The following BARX2 variants were observed in gnomAD, a reference collection of about 807,000 sequenced individuals.
BARX2 encodes the protein BARX homeobox 2, also known as homeobox protein BarH-like 2.
In BARX2, 11 loss-of-function variants were observed where a neutral mutation model predicts 25.5. The observed-to-expected ratio is 0.43, with a 90% confidence interval of 0.27 to 0.71. The LOEUF is 0.71. Ranked by LOEUF, BARX2 falls within the 30% of genes least tolerant of loss-of-function variation. The pLI, the probability that BARX2 is intolerant of heterozygous loss-of-function variation, is 0.19. For missense variants in BARX2, 360 were observed against 359.9 expected (o/e 1.00, Z 0.00); for synonymous variants, 137 against 149.5 (o/e 0.92, Z 0.61).
Position 129,436,717 on chromosome 11 carries a change from C to T in BARX2, c.188-34C>T, listed in dbSNP as rs1165357076. On this transcript the variant is annotated intron_variant, in intron 1 of 3. Coordinates refer to ENST00000281437, the MANE Select transcript of BARX2 (RefSeq NM_003658.5). This position sits in a 1 kb window ranked among gnomAD's most constrained non-coding sequence, Gnocchi z 4.5. Reference sequence around the variant, plus strand: ...CCTGGCCTGCTTCCCCACACCGTTCCCTGTGGTGACCTGCCTCCCTGCTTG... The same window carrying T: ...CCTGGCCTGCTTCCCCACACCGTTCTCTGTGGTGACCTGCCTCCCTGCTTG... The T allele has an allele frequency of 6.5e-7, 1 of 1,536,458 alleles. No individual in the cohort carries two copies.
intron 1 of BARX2, among the ~76,000 whole-genome samples, chr11:129,434,731 G>A (rs866042938): frequency 6.6e-6 from 1 of 152,156 alleles, no homozygotes; most frequent in African/African-American, 2.4e-5. Flanking sequence ...CTCAAATTAC[G>A]AAATTCCCTG....
rs1364474937 is a variant in BARX2, at chr11:129,394,670, A to T, written c.187+18448A>T. On this transcript the variant is annotated intron_variant, in intron 1 of 3. Transcript: ENST00000281437. ...ATATTTTAATAAAATGAATTTTAAA[A>T]TATTAAATAATTTTAGTTAGAATGT... 2.6e-5 allele frequency among the ~76,000 whole-genome samples: 4 copies of T among 152,202 alleles called. No individual in the cohort carries two copies. The East Asian group carries it at 7.7e-4, about 29-fold the overall frequency.
chr11:129,407,061 C>T (rs1861837773), intron 1 of BARX2, among the ~76,000 whole-genome samples: 3 of 151,600 alleles, frequency 2.0e-5, no homozygotes, highest in Admixed American at 6.6e-5. Context: ...TGCGTATATT[C>T]CAGTATAGAC....
intron 1 of BARX2, among the ~76,000 whole-genome samples, chr11:129,384,950 T>G (rs1346327358): frequency 6.6e-6 from 1 of 152,112 alleles, no homozygotes; most frequent in Non-Finnish European, 1.5e-5. Context: ...TTTCCTAAAG[T>G]CACAAGATAT....
At chr11:129,439,580 G>A (rs181741368) in intron 2 of BARX2, among the ~76,000 whole-genome samples, 49 of 152,314 alleles carry the variant, frequency 3.2e-4, no homozygotes, top group African/African-American at 9.6e-4. Flanking sequence ...TTCTGGACTG[G>A]GCCAGCAGGT....
rs1448260641 is a variant in BARX2, at chr11:129,451,374, C to G, written c.812C>G (p.Pro271Arg). The change falls in exon 4 of 4, where the codon CCC (proline) becomes CGC (arginine). Residue 271 changes from proline to arginine, a missense_variant. Pro to Arg is a moderately radical substitution (Grantham distance 103, BLOSUM62 -2). This residue lies in a region of BARX2 where 114 missense variants were observed against 109.4 expected (regional missense o/e 1.04). Coordinates refer to ENST00000281437, the MANE Select transcript of BARX2 (RefSeq NM_003658.5). ...PPDPPQELPI[P>R]SSEPPPLS ...GACCCGCCCCAGGAGTTGCCAATAC[C>G]CTCTTCGGAACCCCCACCATTAAGC... 2 of 1,613,926 alleles carry G rather than the reference C, an allele frequency of 1.2e-6. No individual in the cohort carries two copies. Among genetic ancestry groups the G allele is most frequent in the South Asian group, 2.2e-5 (2 of 91,072 alleles).
chr11:129,379,024 T>C (rs1001092202), intron 1 of BARX2, among the ~76,000 whole-genome samples: 2 of 152,210 alleles, frequency 1.3e-5, no homozygotes, highest in African/African-American at 4.8e-5. Context: ...TTCGACATTC[T>C]AGCCTTGATG....
At chr11:129,438,639 T>A (rs1862221316) in intron 2 of BARX2, among the ~76,000 whole-genome samples, 2 of 152,186 alleles carry the variant, frequency 1.3e-5, no homozygotes, top group African/African-American at 4.8e-5. Flanking sequence ...TGAGGCACCG[T>A]CAGCTGTTTG....
intron 1 of BARX2, among the ~76,000 whole-genome samples, chr11:129,388,093 C>CTGTGTGTGTG (rs34835803): frequency 6.8e-5 from 10 of 147,020 alleles, no homozygotes; most frequent in Admixed American, 1.4e-4. Flanking sequence ...AGGCAACATA[C>CTGTGTGTGTG]TGTGTGTGTG....
chr11:129,401,159 CA>C (rs1441998297), intron 1 of BARX2, among the ~76,000 whole-genome samples: 2 of 152,110 alleles, frequency 1.3e-5, no homozygotes, highest in Non-Finnish European at 1.5e-5. Context: ...GAGATAGAAT[CA>C]ACATTGCAGT....
At chr11:129,378,087 G>A (rs1225792122) in intron 1 of BARX2, among the ~76,000 whole-genome samples, 1 of 152,224 alleles carries the variant, frequency 6.6e-6, no homozygotes, top group East Asian at 1.9e-4. Context: ...AGACTTAAGT[G>A]TTGCTCAGTC....
At chr11:129,416,467 G>T (rs1861944035) in intron 1 of BARX2, among the ~76,000 whole-genome samples, 1 of 152,198 alleles carries the variant, frequency 6.6e-6, no homozygotes, top group Admixed American at 6.5e-5. Flanking sequence ...TTGGCTCAGG[G>T]TTTCCAATGG....
In BARX2 at chr11:129,383,465, G is replaced by A. The variant is rs114852893; in HGVS notation, c.187+7243G>A. On this transcript the variant is annotated intron_variant, in intron 1 of 3. Transcript: ENST00000281437. Reference sequence around the variant, plus strand: ...AAGAGAGAAGAGAGGGCCTCTGTCCGTAGTCACTAAGGAGAGACTCTGGTT... The same window carrying A: ...AAGAGAGAAGAGAGGGCCTCTGTCCATAGTCACTAAGGAGAGACTCTGGTT... 5.0e-3 allele frequency among the ~76,000 whole-genome samples: 762 copies of A among 152,300 alleles called. 6 individuals carry two copies. Among genetic ancestry groups the A allele is most frequent in the African/African-American group, 0.017 (725 of 41,558 alleles).
intron 1 of BARX2, among the ~76,000 whole-genome samples, chr11:129,400,288 G>T (rs1464610978): frequency 6.6e-6 from 1 of 152,130 alleles, no homozygotes; most frequent in African/African-American, 2.4e-5. Flanking sequence ...AATACCCTGG[G>T]CGGTGCTGTG....
intron 1 of BARX2, among the ~76,000 whole-genome samples, chr11:129,415,377 T>C (rs564364079): frequency 6.6e-6 from 1 of 152,308 alleles, no homozygotes; most frequent in East Asian, 1.9e-4. Flanking sequence ...CCTTTCACCT[T>C]ATTTTTTCAG....
At chr11:129,426,046 C>T (rs1200447391) in intron 1 of BARX2, among the ~76,000 whole-genome samples, 4 of 147,998 alleles carry the variant, frequency 2.7e-5, no homozygotes. Context: ...GTTGCTAAGA[C>T]ATTTTGTCAG....
At chr11:129,398,506 A>G (rs903715442) in intron 1 of BARX2, among the ~76,000 whole-genome samples, 5 of 152,248 alleles carry the variant, frequency 3.3e-5, no homozygotes, top group Admixed American at 2.0e-4. Context: ...AGATATGATT[A>G]TGTGTAAAAT....
intron 1 of BARX2, among the ~76,000 whole-genome samples, chr11:129,419,058 C>T (rs990443983): frequency 6.6e-6 from 1 of 152,182 alleles, no homozygotes; most frequent in Non-Finnish European, 1.5e-5. Context: ...AACAGGCGTG[C>T]CTACATGGTC....
At chr11:129,400,775 A>T (rs1861767242) in intron 1 of BARX2, among the ~76,000 whole-genome samples, 1 of 152,156 alleles carries the variant, frequency 6.6e-6, no homozygotes. Flanking sequence ...GCAAGAGATG[A>T]CCCAGGGCGG....
Sources: allele counts gnomAD v4.1 joint callset (sites outside exome capture counted in the v4.1 genomes callset), GRCh38; gene constraint gnomAD v4.1.1; regional missense constraint gnomAD v4.1.1; non-coding constraint Gnocchi (gnomAD v3.1); transcripts MANE v1.5; gene names NCBI Gene and HGNC (gene_info 2026-07-23, HGNC 2026-07-21).